Variants in CNTNAP5 observed in about 807,000 individuals in gnomAD.
CNTNAP5 encodes contactin associated protein family member 5, also known as contactin-associated protein-like 5.
CNTNAP5 carries 72 observed loss-of-function variants against 150.2 expected under a neutral mutation model. The ratio of observed to expected loss-of-function variants is 0.48; its 90% confidence interval spans 0.40 to 0.58. CNTNAP5 has a LOEUF of 0.58. CNTNAP5 is among the 20% of genes least tolerant of loss of function. The pLI is 0.00. For missense variants in CNTNAP5, 1,636 were observed against 1,626.2 expected (o/e 1.01, Z -0.10); for synonymous variants, 672 against 619.8 (o/e 1.08, Z -1.25).
intron 6 of CNTNAP5, among the ~76,000 whole-genome samples, chr2:124,453,835 G>C (rs1314349005): frequency 6.6e-6 from 1 of 152,028 alleles, no homozygotes; most frequent in Non-Finnish European, 1.5e-5. Context: ...CAAATGCTGA[G>C]AGAATTTGCC....
At chr2:124,729,387 T>A (rs1347249014) in intron 13 of CNTNAP5, among the ~76,000 whole-genome samples, 4 of 152,086 alleles carry the variant, frequency 2.6e-5, no homozygotes, top group Non-Finnish European at 5.9e-5. Context: ...TTTTTTATTA[T>A]TGTTTTCTTT....
At chr2:124,413,848 A>T (rs1415569635) in intron 3 of CNTNAP5, among the ~76,000 whole-genome samples, 1 of 145,920 alleles carries the variant, frequency 6.9e-6, no homozygotes, top group African/African-American at 2.6e-5. Context: ...AACCTGCACA[A>T]TGTGCACATG....
chr2:124,440,094 C>T (rs1416500011), intron 5 of CNTNAP5, among the ~76,000 whole-genome samples: 3 of 152,102 alleles, frequency 2.0e-5, no homozygotes, highest in Non-Finnish European at 4.4e-5. Flanking sequence ...TTAGGTAAAT[C>T]TTGTGGCTTC....
chr2:124,849,831 C>T (rs773906075), intron 19 of CNTNAP5, among the ~76,000 whole-genome samples: 5 of 152,130 alleles, frequency 3.3e-5, no homozygotes, highest in Admixed American at 6.6e-5. Context: ...TGCTCTGGGA[C>T]GCCTAACTGA....
At chr2:124,717,739 C>T (rs1011689884) in intron 13 of CNTNAP5, among the ~76,000 whole-genome samples, 6 of 152,048 alleles carry the variant, frequency 3.9e-5, no homozygotes, top group Non-Finnish European at 5.9e-5. Context: ...TTGGCCTGAA[C>T]GATGTTTGAA....
chr2:124,713,225 TTC>T lies in CNTNAP5; in HGVS notation c.2078-34002_2078-34001del, dbSNP rs1363573802. On this transcript the variant is annotated intron_variant, in intron 13 of 23. Coordinates refer to ENST00000682447, the MANE Select transcript of CNTNAP5 (RefSeq NM_001367498.1). ...TCCCTTCCTTTCTTTCTCTGTTTCT[TTC>T]TTTCTTTCTTTCTTTCTCTTTCTTT... 1.9e-4 allele frequency among the ~76,000 whole-genome samples: 7 copies of T among 36,982 alleles called. 2 individuals carry two copies. The East Asian group carries it at 2.4e-3, about 13-fold the overall frequency. 24.3% of individuals were successfully genotyped at this position (36,982 alleles called of 152,430 possible).
intron 1 of CNTNAP5, among the ~76,000 whole-genome samples, chr2:124,152,816 A>G (rs1049973836): frequency 6.6e-6 from 1 of 152,160 alleles, no homozygotes; most frequent in Non-Finnish European, 1.5e-5. Context: ...TTATTATAGC[A>G]TATACTTCTC....
At chr2:124,140,036 C>T (rs1684073940) in intron 1 of CNTNAP5, among the ~76,000 whole-genome samples, 1 of 152,104 alleles carries the variant, frequency 6.6e-6, no homozygotes, top group African/African-American at 2.4e-5. Flanking sequence ...ACAGACGCAC[C>T]TGGAAAATCG....
intron 3 of CNTNAP5, among the ~76,000 whole-genome samples, chr2:124,284,486 G>A (rs543797341): frequency 6.6e-6 from 1 of 152,198 alleles, no homozygotes; most frequent in African/African-American, 2.4e-5. Flanking sequence ...GAGAGCATCA[G>A]GATAAATAGC....
intron 3 of CNTNAP5, among the ~76,000 whole-genome samples, chr2:124,352,931 A>G (rs931962025): frequency 6.6e-6 from 1 of 152,200 alleles, no homozygotes; most frequent in Admixed American, 6.5e-5. Flanking sequence ...TGTTTTCACA[A>G]TGAAGTAGTG....
chr2:124,888,525 C>T (rs1350595684), intron 21 of CNTNAP5, among the ~76,000 whole-genome samples: 1 of 152,132 alleles, frequency 6.6e-6, no homozygotes, highest in African/African-American at 2.4e-5. Flanking sequence ...ACTCTCCAAA[C>T]TACTTTCCAC....
chr2:124,329,667 G>A (rs556329118), intron 3 of CNTNAP5, among the ~76,000 whole-genome samples: 22 of 152,146 alleles, frequency 1.4e-4, no homozygotes, highest in Non-Finnish European at 3.1e-4. Context: ...CGGTGGCAAA[G>A]GATACCATTA....
At chr2:124,704,526 A>T (rs1371680664) in intron 13 of CNTNAP5, among the ~76,000 whole-genome samples, 3 of 152,240 alleles carry the variant, frequency 2.0e-5, no homozygotes, top group Admixed American at 2.0e-4. Context: ...AAATATGTTT[A>T]TGCAGAATGT....
At chr2:124,360,868 T>G (rs1690177575) in intron 3 of CNTNAP5, among the ~76,000 whole-genome samples, 2 of 137,666 alleles carry the variant, frequency 1.5e-5, no homozygotes, top group African/African-American at 2.8e-5. Flanking sequence ...CTTGCTAGAT[T>G]GGGGAAGTTC....
At chr2:124,180,750 C>T (rs545419958) in intron 1 of CNTNAP5, among the ~76,000 whole-genome samples, 3 of 151,854 alleles carry the variant, frequency 2.0e-5, no homozygotes, top group African/African-American at 7.3e-5. Flanking sequence ...CTTCCTCAGT[C>T]TGGATTTCAG....
At chr2:124,910,082 A>G (rs1477145368) in intron 22 of CNTNAP5, among the ~76,000 whole-genome samples, 3 of 151,694 alleles carry the variant, frequency 2.0e-5, no homozygotes, top group Non-Finnish European at 4.4e-5. Flanking sequence ...CTCCGATTTC[A>G]AGAGTCCTAG....
chr2:124,829,431 A>G (rs1462466023), intron 19 of CNTNAP5, among the ~76,000 whole-genome samples: 1 of 152,178 alleles, frequency 6.6e-6, no homozygotes, highest in Non-Finnish European at 1.5e-5. Context: ...TATTTGTTGG[A>G]AAGCATATTT....
chr2:124,250,511 C>G (rs1687145966), intron 3 of CNTNAP5, among the ~76,000 whole-genome samples: 1 of 152,088 alleles, frequency 6.6e-6, no homozygotes, highest in African/African-American at 2.4e-5. Flanking sequence ...GAAAAGCAAA[C>G]AGTAAGTCAG....
At chr2:124,737,886 G>A (rs548522051) in intron 13 of CNTNAP5, among the ~76,000 whole-genome samples, 1 of 151,874 alleles carries the variant, frequency 6.6e-6, no homozygotes, top group South Asian at 2.1e-4. Context: ...TTACCTCATA[G>A]TGTTGTTGTG....
Sources: allele counts gnomAD v4.1 joint callset (sites outside exome capture counted in the v4.1 genomes callset), GRCh38; gene constraint gnomAD v4.1.1; transcripts MANE v1.5; gene names NCBI Gene and HGNC (gene_info 2026-07-23, HGNC 2026-07-21).